LRBA: variants seen among roughly 807,000 people sequenced by gnomAD.
The protein encoded by LRBA is lipopolysaccharide-responsive and beige-like anchor protein.
Under a neutral mutation model 330.0 loss-of-function variants are expected in LRBA, and 176 were observed. The observed-to-expected ratio is 0.53, with a 90% CI of 0.47 to 0.60. The LOEUF (loss-of-function observed/expected upper bound fraction) is 0.60, where lower values mean the gene tolerates loss of function less well. LRBA is among the 20% of genes least tolerant of loss of function. LRBA has a pLI of 0.00. For missense variants in LRBA, 3,259 were observed against 3,444.8 expected (o/e 0.95, Z 1.35); for synonymous variants, 1,230 against 1,193.0 (o/e 1.03, Z -0.64).
chr4:150,690,936 T>C (rs1411493501), intron 36 of LRBA, among the ~76,000 whole-genome samples: 3 of 148,330 alleles, frequency 2.0e-5, no homozygotes, highest in African/African-American at 7.4e-5. Context: ...TCTTTTTTTT[T>C]TTTTTTTTTT....
rs141931274 is a variant in LRBA at position 150,702,922 on chromosome 4, G to A, written c.5755-19205C>T. 2.9e-3 allele frequency among the ~76,000 whole-genome samples: 437 copies of A among 152,320 alleles called. 17 individuals are homozygous for A. The East Asian group carries it at 0.072, about 25-fold the overall frequency. ...CACCTGTAATCCCAACACTTTGGGAGGCCAAGGCAGGGGGATCACCTGAGA... is the reference window on the plus strand; with the variant it reads ...CACCTGTAATCCCAACACTTTGGGAAGCCAAGGCAGGGGGATCACCTGAGA... On this transcript the variant is annotated intron_variant, in intron 36 of 56. Transcript: ENST00000651943.
intron 40 of LRBA, among the ~76,000 whole-genome samples, chr4:150,530,456 T>A (rs1345922960): frequency 6.6e-6 from 1 of 152,208 alleles, no homozygotes; most frequent in Non-Finnish European, 1.5e-5. Context: ...TATCTACACA[T>A]CCATGTGCCT....
chr4:150,848,021 C>CTT lies in LRBA; in HGVS notation c.4339+795_4339+796dup, dbSNP rs532463538. Reference sequence around the variant, plus strand: ...GGCCTTACCCTAGACCTCTATAACCCTTTTTTTTTTTGAGACAGAGTCCCG... The same window carrying CTT: ...GGCCTTACCCTAGACCTCTATAACCCTTTTTTTTTTTTTGAGACAGAGTCCCG... On this transcript the variant is annotated intron_variant, in intron 26 of 56. Coordinates refer to ENST00000651943, the MANE Select transcript of LRBA (RefSeq NM_001364905.1). Among the ~76,000 whole-genome samples the CTT allele has an allele frequency of 1.9e-3, 272 of 146,126 alleles. 2 individuals are homozygous for CTT. The highest frequency in any genetic ancestry group is 6.6e-3 in the African/African-American group (264 of 40,150).
intron 33 of LRBA, among the ~76,000 whole-genome samples, chr4:150,800,773 T>C (rs553342891): frequency 5.3e-5 from 8 of 152,294 alleles, no homozygotes; most frequent in African/African-American, 1.4e-4. Flanking sequence ...AGTAGAATAG[T>C]AGAATAATAG....
intron 44 of LRBA, among the ~76,000 whole-genome samples, chr4:150,454,769 T>G (rs530455027): frequency 6.6e-6 from 1 of 152,162 alleles, no homozygotes; most frequent in East Asian, 1.9e-4. Flanking sequence ...ATGTCCGTTA[T>G]GCCACTCTGT....
intron 8 of LRBA, 82 bp downstream of exon 8, chr4:150,915,526 C>A: frequency 1.6e-6 from 2 of 1,259,160 alleles, no homozygotes; most frequent in South Asian, 3.2e-5. Flanking sequence ...ATTTTATATT[C>A]AAGTTGTAAA....
intron 37 of LRBA, among the ~76,000 whole-genome samples, chr4:150,617,596 T>C (rs180845374): frequency 3.7e-4 from 57 of 152,142 alleles, no homozygotes; most frequent in African/African-American, 1.3e-3. Context: ...GAGCAGAGAT[T>C]GCACCATTGT....
intron 28 of LRBA, among the ~76,000 whole-genome samples, chr4:150,838,937 C>A (rs1040704989): frequency 6.6e-6 from 1 of 152,088 alleles, no homozygotes; most frequent in Admixed American, 6.6e-5. Flanking sequence ...AAGAAACTAT[C>A]ATCAGAGTGA....
intron 35 of LRBA, among the ~76,000 whole-genome samples, chr4:150,744,529 A>C (rs1005786008): frequency 6.6e-6 from 1 of 152,246 alleles, no homozygotes; most frequent in Admixed American, 6.5e-5. Context: ...ATAACTGAAT[A>C]AATCTTCTGA....
intron 50 of LRBA, among the ~76,000 whole-genome samples, chr4:150,320,099 A>G (rs757045423): frequency 8.5e-5 from 13 of 152,150 alleles, no homozygotes; most frequent in Admixed American, 4.6e-4. Flanking sequence ...GAACAGTGCT[A>G]AATCCAGGTC....
chr4:150,380,003 TAA>T (rs371691815), intron 47 of LRBA, among the ~76,000 whole-genome samples: 15 of 115,222 alleles, frequency 1.3e-4, no homozygotes, highest in South Asian at 8.4e-4. Context: ...TTTCTACTAC[TAA>T]AAAAAAAAAA....
At chr4:150,931,737 G>A (rs1167808748) in intron 2 of LRBA, among the ~76,000 whole-genome samples, 1 of 151,962 alleles carries the variant, frequency 6.6e-6, no homozygotes, top group African/African-American at 2.4e-5. Flanking sequence ...ACTCCAGCCT[G>A]GGTGACAGTG....
intron 40 of LRBA, among the ~76,000 whole-genome samples, chr4:150,503,022 C>T (rs113188644): frequency 2.0e-5 from 3 of 152,308 alleles, no homozygotes; most frequent in African/African-American, 4.8e-5. Context: ...CCCAACATTG[C>T]CCAGGCTTGA....
At chr4:150,484,809 T>A (rs1757684716) in intron 42 of LRBA, among the ~76,000 whole-genome samples, 1 of 151,936 alleles carries the variant, frequency 6.6e-6, no homozygotes, top group Non-Finnish European at 1.5e-5. Flanking sequence ...CATTAGGCAC[T>A]TCTTTATCTT....
At chr4:150,834,514 A>T (rs768197152) in intron 28 of LRBA, among the ~76,000 whole-genome samples, 1 of 152,222 alleles carries the variant, frequency 6.6e-6, no homozygotes, top group Non-Finnish European at 1.5e-5. Flanking sequence ...TAATTTGAAA[A>T]GACTCTTTTC....
intron 2 of LRBA, among the ~76,000 whole-genome samples, chr4:150,981,017 A>G (rs1168071141): frequency 6.6e-6 from 1 of 152,158 alleles, no homozygotes; most frequent in African/African-American, 2.4e-5. Flanking sequence ...CACGGATTGC[A>G]AGAATCAATA....
chr4:150,850,685 G>C (rs373471097), intron 24 of LRBA, 39 bp downstream of exon 24: 83 of 1,305,976 alleles, frequency 6.4e-5, no homozygotes, highest in Non-Finnish European at 8.0e-5. Context: ...ATAAAGACTA[G>C]GTTTATACAC....
At chr4:150,285,773 A>C (rs1748066066) in intron 54 of LRBA, among the ~76,000 whole-genome samples, 160 bp downstream of exon 54, 1 of 152,224 alleles carries the variant, frequency 6.6e-6, no homozygotes, top group African/African-American at 2.4e-5. Context: ...CTTACATTTT[A>C]ATTTTATTTA....
intron 22 of LRBA, among the ~76,000 whole-genome samples, chr4:150,866,309 ATAGT>A (rs990099656): frequency 1.3e-5 from 2 of 152,232 alleles, no homozygotes; most frequent in Non-Finnish European, 1.5e-5. Flanking sequence ...AACTCCAAAA[ATAGT>A]TAGATAATCC....
Sources: allele counts gnomAD v4.1 joint callset (sites outside exome capture counted in the v4.1 genomes callset), GRCh38; gene constraint gnomAD v4.1.1; transcripts MANE v1.5; gene names NCBI Gene and HGNC (gene_info 2026-07-23, HGNC 2026-07-21).